The following TECRL variants were observed in gnomAD, a reference collection of about 807,000 sequenced individuals.
TECRL encodes trans-2,3-enoyl-CoA reductase-like.
TECRL carries 63 observed loss-of-function variants against 52.8 expected under a neutral mutation model. That is an observed-to-expected ratio of 1.19 (90% CI 0.97 to 1.47). The LOEUF is 1.47. Among genes scored for constraint, TECRL ranks in the 40% most tolerant of loss-of-function variants. TECRL has a pLI of 0.00. For synonymous variants in TECRL, 164 were observed against 141.9 expected (o/e 1.16, Z -1.10); for missense variants, 482 against 429.6 (o/e 1.12, Z -1.08).
At chr4:64,331,788 G>C (rs895718727) in intron 2 of TECRL, among the ~76,000 whole-genome samples, 4 of 152,018 alleles carry the variant, frequency 2.6e-5, no homozygotes, top group African/African-American at 9.7e-5. Context: ...GTCAATGAAA[G>C]GATGAGCCTG....
chr4:64,316,271 A>G (rs1440852303), intron 4 of TECRL, among the ~76,000 whole-genome samples: 3 of 152,106 alleles, frequency 2.0e-5, no homozygotes, highest in Non-Finnish European at 2.9e-5. Flanking sequence ...TCTTCGCATG[A>G]GAGGAAATTA....
intron 1 of TECRL, among the ~76,000 whole-genome samples, chr4:64,394,590 T>C (rs1723791342): frequency 2.0e-5 from 3 of 152,150 alleles, no homozygotes; most frequent in Admixed American, 1.3e-4. Flanking sequence ...CCAAAGTGGA[T>C]ATTAACAAGG....
rs140311209 is a variant in TECRL at position 64,278,842 on chromosome 4, A to G, written c.*1230T>C. On this transcript the variant is annotated 3_prime_UTR_variant, in exon 12 of 12. Coordinates refer to ENST00000381210, the MANE Select transcript of TECRL (RefSeq NM_001010874.5). ...ATATCAATTTTTTTAGCTTCCACATATAAGTAATAACATGCAATGTTTAAC... is the reference window on the plus strand; with the variant it reads ...ATATCAATTTTTTTAGCTTCCACATGTAAGTAATAACATGCAATGTTTAAC... The G allele has an allele frequency of 5.3e-5, 8 of 152,256 alleles. No individual in the cohort carries two copies. The highest frequency in any genetic ancestry group is 1.9e-4 in the African/African-American group (8 of 41,550). 9.4% of individuals were successfully genotyped at this position (152,256 alleles called of 1,614,324 possible).
chr4:64,345,925 A>AAAAAAAAAAC (rs1719939536), intron 2 of TECRL, among the ~76,000 whole-genome samples: 2 of 146,062 alleles, frequency 1.4e-5, no homozygotes, highest in Non-Finnish European at 3.0e-5. Flanking sequence ...AAAAAAAAAA[A>AAAAAAAAAAC]AAAAAACATT....
intron 2 of TECRL, among the ~76,000 whole-genome samples, chr4:64,340,498 C>A (rs756532414): frequency 6.6e-6 from 1 of 152,216 alleles, no homozygotes; most frequent in Non-Finnish European, 1.5e-5. Flanking sequence ...ACAGCCCTAC[C>A]GGGTTTGTGC....
intron 3 of TECRL, among the ~76,000 whole-genome samples, chr4:64,327,142 A>T (rs546999632): frequency 5.9e-5 from 9 of 152,220 alleles, no homozygotes; most frequent in Middle Eastern, 3.4e-3. Flanking sequence ...ATCTGAATCA[A>T]TCCAAATGAG....
chr4:64,379,848 G>C (rs1722657779), intron 1 of TECRL, among the ~76,000 whole-genome samples: 1 of 152,054 alleles, frequency 6.6e-6, no homozygotes, highest in South Asian at 2.1e-4. Flanking sequence ...ATTGTGAATA[G>C]TGTTGCAATA....
chr4:64,406,139 A>G (rs1724702522), intron 1 of TECRL, among the ~76,000 whole-genome samples: 1 of 133,698 alleles, frequency 7.5e-6, no homozygotes, highest in Non-Finnish European at 1.6e-5. Flanking sequence ...AAGCTTTTTT[A>G]TTTGTTAGGC....
intron 1 of TECRL, among the ~76,000 whole-genome samples, chr4:64,384,125 G>A (rs947014258): frequency 6.6e-6 from 1 of 152,144 alleles, no homozygotes; most frequent in Non-Finnish European, 1.5e-5. Context: ...TCAGCAGCAG[G>A]CCATGTGTGC....
At chr4:64,352,575 A>G (rs1338450971) in intron 2 of TECRL, among the ~76,000 whole-genome samples, 1 of 152,204 alleles carries the variant, frequency 6.6e-6, no homozygotes, top group African/African-American at 2.4e-5. Context: ...TGTATCACCA[A>G]TATCTTATGT....
intron 6 of TECRL, among the ~76,000 whole-genome samples, chr4:64,307,796 C>A (rs1441484188): frequency 2.0e-5 from 3 of 152,148 alleles, no homozygotes; most frequent in Non-Finnish European, 4.4e-5. Flanking sequence ...GAGAAACAAG[C>A]AGCATTGCAA....
intron 2 of TECRL, among the ~76,000 whole-genome samples, chr4:64,339,307 C>T (rs371248684): frequency 3.3e-4 from 49 of 146,482 alleles, no homozygotes; most frequent in Middle Eastern, 3.5e-3. Context: ...GGGGGAGGGA[C>T]AGCATTAGGA....
intron 2 of TECRL, among the ~76,000 whole-genome samples, chr4:64,353,614 G>A (rs1720551058): frequency 6.6e-6 from 1 of 152,068 alleles, no homozygotes; most frequent in Non-Finnish European, 1.5e-5. Context: ...AGAAGAACAA[G>A]CTCAAGAAAA....
intron 2 of TECRL, 129 bp downstream of exon 2, chr4:64,375,043 T>C (rs895527745): frequency 2.4e-5 from 9 of 380,014 alleles, no homozygotes; most frequent in Non-Finnish European, 4.3e-5. Context: ...AAGCAAACTA[T>C]TGTTCCTGAG....
Position 64,314,941 on chromosome 4 carries a change from T to C in TECRL, c.436-178A>G, listed in dbSNP as rs192106316. The stretch of plus-strand genomic sequence containing the variant: ...GAAGAACCAGGGGGAGAAAGCCTAA[T>C]ATATGTATAGTTAATTTGGAATAAA... On this transcript the variant is annotated intron_variant, in intron 4 of 11. Transcript: ENST00000381210. Among the ~76,000 whole-genome samples, 180 of 152,294 alleles carry C rather than the reference T, an allele frequency of 1.2e-3. 1 individual carries two copies. The highest frequency in any genetic ancestry group is 4.2e-3 in the African/African-American group (173 of 41,568).
At chr4:64,403,752 C>A (rs754499573) in intron 1 of TECRL, among the ~76,000 whole-genome samples, 1 of 145,534 alleles carries the variant, frequency 6.9e-6, no homozygotes, top group East Asian at 2.0e-4. Context: ...TCATGAAACA[C>A]CATAAGAAAT....
chr4:64,323,743 G>T lies in TECRL; in HGVS notation c.332-951C>A, dbSNP rs188404542. ...CCTAGATTCAACTTCTTGATCAGCT[G>T]ATTGAAAGGAGAAGATTCAGTGAGG... On this transcript the variant is annotated intron_variant, in intron 3 of 11. Coordinates refer to ENST00000381210, the MANE Select transcript of TECRL (RefSeq NM_001010874.5). Among the ~76,000 whole-genome samples the T allele has an allele frequency of 3.3e-5, 5 of 152,276 alleles. No individual in the cohort carries two copies. The East Asian group carries it at 9.6e-4, about 29-fold the overall frequency.
intron 1 of TECRL, among the ~76,000 whole-genome samples, chr4:64,394,842 T>TA (rs1472436496): frequency 2.0e-5 from 3 of 148,374 alleles, no homozygotes; most frequent in African/African-American, 7.4e-5. Flanking sequence ...CTTTAAAAGA[T>TA]AAAAAAATTG....
intron 4 of TECRL, among the ~76,000 whole-genome samples, chr4:64,319,931 C>T (rs1008851155): frequency 6.6e-6 from 1 of 151,806 alleles, no homozygotes; most frequent in African/African-American, 2.4e-5. Context: ...AGTGGTTACT[C>T]CAGGATAGGA....
Sources: gnomAD v4.1 joint callset for allele counts (sites outside exome capture counted in the v4.1 genomes callset) on GRCh38, gnomAD v4.1.1 for gene constraint, MANE v1.5 for transcripts, NCBI Gene and HGNC (gene_info 2026-07-23, HGNC 2026-07-21) for gene names.